Variants in KLHL6 observed in about 807,000 individuals in gnomAD.
The protein encoded by KLHL6 is kelch-like protein 6.
A neutral mutation model predicts 58.6 loss-of-function variants in KLHL6; 41 were observed. That is an observed-to-expected ratio of 0.70 (90% confidence interval 0.55 to 0.91). KLHL6 has a LOEUF of 0.91. Among genes scored for constraint, KLHL6 ranks in the 40% least tolerant of loss-of-function variants. The pLI is 0.00. For missense variants in KLHL6, 714 were observed against 805.6 expected (o/e 0.89, Z 1.38); for synonymous variants, 338 against 322.7 (o/e 1.05, Z -0.51).
chr3:183,502,029 C>T (rs1717878760), intron 3 of KLHL6, among the ~76,000 whole-genome samples: 1 of 152,138 alleles, frequency 6.6e-6, no homozygotes, highest in South Asian at 2.1e-4. Flanking sequence ...GTGGCTCACG[C>T]CTGCAATCCC....
At position 183,489,966 on chromosome 3, in the gene KLHL6, T is replaced by A. The variant is rs1717499293; in HGVS notation, c.*1961A>T. 1 of 152,192 alleles carries A rather than the reference T, an allele frequency of 6.6e-6. No homozygotes were observed. Among genetic ancestry groups the A allele is most frequent in the South Asian group, 2.1e-4 (1 of 4,826 alleles). 9.4% of individuals were successfully genotyped at this position (152,192 alleles called of 1,614,324 possible). On this transcript the variant is annotated 3_prime_UTR_variant, in exon 7 of 7. Coordinates refer to ENST00000341319, the MANE Select transcript of KLHL6 (RefSeq NM_130446.4). ...ACACCGGATATGAAATAAAACTCTA[T>A]AAAGAGAATTGAAATCATATGATGA...
At chr3:183,529,590 C>T (rs1712090685) in intron 1 of KLHL6, among the ~76,000 whole-genome samples, 1 of 152,050 alleles carries the variant, frequency 6.6e-6, no homozygotes, top group Admixed American at 6.5e-5. Context: ...GTAATCCCAG[C>T]ACTTTGGAAG....
At chr3:183,554,579 T>A (rs1341645903) in intron 1 of KLHL6, among the ~76,000 whole-genome samples, 1 of 152,174 alleles carries the variant, frequency 6.6e-6, no homozygotes, top group African/African-American at 2.4e-5. Flanking sequence ...TCTTTGTAAC[T>A]GCTTTCCCTT....
intron 1 of KLHL6, among the ~76,000 whole-genome samples, chr3:183,533,200 C>G (rs923399480): frequency 6.6e-6 from 1 of 151,990 alleles, no homozygotes; most frequent in Non-Finnish European, 1.5e-5. Context: ...TAAGTCCTGC[C>G]CCTCCTCTCT....
At chr3:183,496,717 A>T (rs1226210831) in intron 4 of KLHL6, among the ~76,000 whole-genome samples, 1 of 152,238 alleles carries the variant, frequency 6.6e-6, no homozygotes, top group Non-Finnish European at 1.5e-5. Flanking sequence ...TTAAACCAAC[A>T]TGTCATCATG....
At chr3:183,503,218 T>C (rs961193593) in intron 3 of KLHL6, among the ~76,000 whole-genome samples, 11 of 152,260 alleles carry the variant, frequency 7.2e-5, no homozygotes, top group African/African-American at 2.7e-4. Context: ...GTGAGCATAT[T>C]GTTTCAGCAA....
Position 183,531,450 on chromosome 3 carries a change from T to TTTTG in KLHL6, c.294-3441_294-3440insCAAA, listed in dbSNP as rs1248242363. On this transcript the variant is annotated intron_variant, in intron 1 of 6. Coordinates refer to ENST00000341319, the MANE Select transcript of KLHL6 (RefSeq NM_130446.4). ...TGTTCTTTTTTTGTCTGTGTTTTTT[T>TTTTG]TTTTTTTTTTTTTTTTTGAGATGGA... Among the ~76,000 whole-genome samples the TTTTG allele has an allele frequency of 5.3e-3, 700 of 131,932 alleles. 7 individuals are homozygous for TTTTG. The highest frequency in any genetic ancestry group is 0.02 in the African/African-American group (673 of 33,198). The allele number at this position is 131,932 out of a possible 152,430, so 86.6% of individuals were successfully genotyped here.
At chr3:183,539,432 A>C (rs913678973) in intron 1 of KLHL6, among the ~76,000 whole-genome samples, 2 of 152,178 alleles carry the variant, frequency 1.3e-5, no homozygotes, top group African/African-American at 4.8e-5. Context: ...TCTGTGGGCC[A>C]GGCACGGTGG....
rs995374970 is a variant in KLHL6 at position 183,491,144 on chromosome 3, T to C, written c.*783A>G. ...TTGTTTTGAAGACAGAGCTTCACTTTTGTTTCCCGGGCTGCAGTGCAGTGT... is the reference window on the plus strand; with the variant it reads ...TTGTTTTGAAGACAGAGCTTCACTTCTGTTTCCCGGGCTGCAGTGCAGTGT... On this transcript the variant is annotated 3_prime_UTR_variant, in exon 7 of 7. Transcript: ENST00000341319. 1 of 151,750 alleles carries C rather than the reference T, an allele frequency of 6.6e-6. No individual in the cohort carries two copies. Among genetic ancestry groups the C allele is most frequent in the African/African-American group, 2.4e-5 (1 of 41,104 alleles). 9.4% of individuals were successfully genotyped at this position (151,750 alleles called of 1,614,324 possible). A position where few individuals can be genotyped will look rare whatever the true frequency, so the allele number is the denominator to read the frequency against.
chr3:183,550,210 A>T (rs976914448), intron 1 of KLHL6, among the ~76,000 whole-genome samples: 1 of 152,222 alleles, frequency 6.6e-6, no homozygotes, highest in Non-Finnish European at 1.5e-5. Flanking sequence ...AGATAAGAGG[A>T]TGGACAACAG....
intron 2 of KLHL6, among the ~76,000 whole-genome samples, chr3:183,514,856 G>A (rs1407030988): frequency 1.3e-5 from 2 of 152,014 alleles, no homozygotes; most frequent in East Asian, 1.9e-4. Flanking sequence ...TTTTAGTACA[G>A]ATGGGGTTTC....
intron 1 of KLHL6, among the ~76,000 whole-genome samples, chr3:183,534,383 T>C (rs866760034): frequency 6.6e-6 from 1 of 152,010 alleles, no homozygotes; most frequent in Non-Finnish European, 1.5e-5. Flanking sequence ...ATTTTACAGT[T>C]TCTAGTCACC....
At chr3:183,506,235 T>C (rs949846521) in intron 3 of KLHL6, among the ~76,000 whole-genome samples, 4 of 152,226 alleles carry the variant, frequency 2.6e-5, no homozygotes, top group African/African-American at 9.6e-5. Flanking sequence ...CTTGTCTTTA[T>C]AAAGTTCTGA....
chr3:183,514,720 G>T (rs1285912479), intron 2 of KLHL6, among the ~76,000 whole-genome samples: 1 of 151,534 alleles, frequency 6.6e-6, no homozygotes, highest in East Asian at 1.9e-4. Flanking sequence ...CCAGGCTGGA[G>T]TACAGTGGCA....
rs1386021690 is a variant in KLHL6, at chr3:183,508,298, T to C, written c.670A>G (p.Ser224Gly). The change falls in exon 3 of 7, where the codon AGT (serine) becomes GGT (glycine). Residue 224 changes from serine to glycine, a missense_variant. By Grantham distance (56) the Ser-to-Gly change is moderately conservative. Transcript: ENST00000341319. ...PVDTLHHILK[S>G]DDLYVTEEAQ... The stretch of plus-strand genomic sequence containing the variant: ...TCCTCGGTCACGTAAAGGTCATCAC[T>C]CTTCAAGATGTGGTGCAGAGTGTCC... The C allele has an allele frequency of 1.9e-6, 3 of 1,613,168 alleles. No individual in the cohort carries two copies. Among genetic ancestry groups the C allele is most frequent in the East Asian group, 2.2e-5 (1 of 44,776 alleles).
In KLHL6 at chr3:183,508,099, A is replaced by C. The variant is rs761518166; in HGVS notation, c.869T>G (p.Leu290Arg). 1 of 1,614,148 alleles carries C rather than the reference A, an allele frequency of 6.2e-7. No homozygotes were observed. The highest frequency in any genetic ancestry group is 1.1e-5 in the South Asian group (1 of 91,086). Residue 290 changes from leucine (L) to arginine (R), a missense_variant, in exon 3 of 7, where the codon CTG becomes CGG. Leu to Arg is a moderately radical substitution (Grantham distance 102, BLOSUM62 -2). This residue lies in a region of KLHL6 where 510 missense variants were observed against 629.7 expected (regional missense o/e 0.81). Transcript: ENST00000341319. ...LIRQCPEVFP[L>R]LQEARMYHLS... ...GTGGTACATCCTGGCTTCCTGGAGC[A>C]GCGGGAAGACCTCTGGGCACTGCCT...
chr3:183,528,447 AG>A (rs1419560604), intron 1 of KLHL6, among the ~76,000 whole-genome samples: 1 of 152,242 alleles, frequency 6.6e-6, no homozygotes, highest in Non-Finnish European at 1.5e-5. Context: ...ACCTGCCAGA[AG>A]TGCAAGTGGC....
intron 4 of KLHL6, among the ~76,000 whole-genome samples, chr3:183,498,201 T>C (rs1299381917): frequency 1.3e-5 from 2 of 152,060 alleles, no homozygotes; most frequent in African/African-American, 2.4e-5. Context: ...GCCACTGCAC[T>C]CCAGCCTGGG....
At position 183,555,425 on chromosome 3, in the gene KLHL6, A is replaced by C. The variant is rs760467685; in HGVS notation, c.229T>G (p.Cys77Gly). Residue 77 changes from cysteine to glycine, a missense_variant, in exon 1 of 7, where the codon TGT becomes GGT. By Grantham distance (159) the Cys-to-Gly change is radical. This residue lies in a region of KLHL6 where 204 missense variants were observed against 175.9 expected (regional missense o/e 1.16). Transcript: ENST00000341319. ...MENALTDVIL[C>G]VDIQEFSCHR... The stretch of plus-strand genomic sequence containing the variant: ...CAGGAGAATTCCTGAATGTCCACAC[A>C]CAAGATGACATCTGTCAGAGCGTTT... The C allele has an allele frequency of 6.2e-7, 1 of 1,614,200 alleles. No individual in the cohort carries two copies. Among genetic ancestry groups the C allele is most frequent in the Non-Finnish European group, 8.5e-7 (1 of 1,180,048 alleles).
Sources: allele counts gnomAD v4.1 joint callset (sites outside exome capture counted in the v4.1 genomes callset), GRCh38; gene constraint gnomAD v4.1.1; regional missense constraint gnomAD v4.1.1; transcripts MANE v1.5; gene names NCBI Gene and HGNC (gene_info 2026-07-23, HGNC 2026-07-21).